TSHZ2: variants seen among roughly 807,000 people sequenced by gnomAD.
The protein encoded by TSHZ2 is teashirt homolog 2.
A neutral mutation model predicts 74.4 loss-of-function variants in TSHZ2; 21 were observed. That is an observed-to-expected ratio of 0.28 (90% CI 0.20 to 0.41). TSHZ2 has a LOEUF of 0.41. TSHZ2 is among the 10% of genes least tolerant of loss of function. The probability of loss-of-function intolerance (pLI) is 1.00; values close to 1 mark genes in which losing one functional copy is unlikely to be tolerated. For synonymous variants in TSHZ2, 540 were observed against 515.3 expected, an observed-to-expected ratio of 1.05 and a Z score of -0.65; for missense variants, 1,244 against 1,293.5, an observed-to-expected ratio of 0.96 and a Z score of 0.59.
intron 1 of TSHZ2, among the ~76,000 whole-genome samples, chr20:53,140,922 T>C (rs1987382773): frequency 6.6e-6 from 1 of 152,162 alleles, no homozygotes; most frequent in Non-Finnish European, 1.5e-5. Flanking sequence ...ATCTTGCCTA[T>C]CAATCAAAAA....
At chr20:53,364,914 G>T (rs1282866659) in intron 2 of TSHZ2, among the ~76,000 whole-genome samples, 1 of 152,210 alleles carries the variant, frequency 6.6e-6, no homozygotes, top group Non-Finnish European at 1.5e-5. Flanking sequence ...TCATCCTGCT[G>T]TGGCCTGGAA....
chr20:53,314,436 A>T (rs1978916950), intron 2 of TSHZ2, among the ~76,000 whole-genome samples: 1 of 152,082 alleles, frequency 6.6e-6, no homozygotes, highest in Non-Finnish European at 1.5e-5. Flanking sequence ...AATTCAGGCA[A>T]CATTCTGAAA....
chr20:53,445,388 A>G (rs1281324437), intron 2 of TSHZ2, among the ~76,000 whole-genome samples: 1 of 152,216 alleles, frequency 6.6e-6, no homozygotes, highest in African/African-American at 2.4e-5. Flanking sequence ...TACAATCACT[A>G]ACGAATCTTA....
At chr20:53,251,496 C>T (rs1453113992) in intron 1 of TSHZ2, among the ~76,000 whole-genome samples, 2 of 152,164 alleles carry the variant, frequency 1.3e-5, no homozygotes, top group African/African-American at 4.8e-5. Context: ...TTTTAAACTA[C>T]AGTTTTCCTG....
intron 2 of TSHZ2, among the ~76,000 whole-genome samples, chr20:53,384,732 CCT>C (rs1180249394): frequency 1.3e-5 from 2 of 152,184 alleles, no homozygotes; most frequent in Non-Finnish European, 1.5e-5. Context: ...CCAGGTGGTA[CCT>C]GCATTACTTA....
At chr20:52,978,980 T>A (rs1981457764) in intron 1 of TSHZ2, among the ~76,000 whole-genome samples, 1 of 152,126 alleles carries the variant, frequency 6.6e-6, no homozygotes, top group Non-Finnish European at 1.5e-5. Context: ...GTTTTACAAG[T>A]TCTATTTAAA....
intron 1 of TSHZ2, among the ~76,000 whole-genome samples, chr20:53,234,502 T>C (rs73620433): frequency 2.0e-5 from 3 of 152,134 alleles, no homozygotes; most frequent in Admixed American, 1.3e-4. Flanking sequence ...TGTAGTAAGC[T>C]ACAAGTTGGT....
chr20:53,339,958 G>A (rs1980114838), intron 2 of TSHZ2, among the ~76,000 whole-genome samples: 1 of 152,278 alleles, frequency 6.6e-6, no homozygotes, highest in South Asian at 2.1e-4. Context: ...GTCTGCTCAG[G>A]CCCAGCAGGG....
At chr20:53,421,688 T>TTTG (rs1983475910) in intron 2 of TSHZ2, 1 of 138,974 alleles carries the variant, frequency 7.2e-6, no homozygotes, top group South Asian at 2.4e-4. Context: ...TTGGTTTTTT[T>TTTG]TTTTTTTTTT....
intron 2 of TSHZ2, among the ~76,000 whole-genome samples, chr20:53,308,969 C>G (rs1978662502): frequency 1.3e-5 from 2 of 152,174 alleles, no homozygotes; most frequent in Non-Finnish European, 2.9e-5. Context: ...GCGGTTTTAA[C>G]AATGACAGAG....
chr20:53,460,727 G>A (rs1038552981), intron 2 of TSHZ2, among the ~76,000 whole-genome samples: 1 of 152,126 alleles, frequency 6.6e-6, no homozygotes, highest in Admixed American at 6.6e-5. Context: ...TGGGTTTTTG[G>A]TGTGGATGTC....
chr20:53,098,220 A>T (rs1352729315), intron 1 of TSHZ2, among the ~76,000 whole-genome samples: 1 of 152,044 alleles, frequency 6.6e-6, no homozygotes, highest in African/African-American at 2.4e-5. Context: ...GTACTCAATA[A>T]ATACTGGTTG....
intron 2 of TSHZ2, among the ~76,000 whole-genome samples, chr20:53,353,990 C>T (rs1015104508): frequency 1.3e-5 from 2 of 152,196 alleles, no homozygotes; most frequent in Admixed American, 1.3e-4. Flanking sequence ...GACAGTTGGT[C>T]ACCCTATCAG....
At position 53,089,063 on chromosome 20, in the gene TSHZ2, T is replaced by A. The variant is rs951405884; in HGVS notation, c.40+115730T>A. On this transcript the variant is annotated intron_variant, in intron 1 of 2. Coordinates refer to ENST00000371497, the MANE Select transcript of TSHZ2 (RefSeq NM_173485.6). ...TCCGTGGCTCATCTCAACCACCTCCTCCTCGCCCCTGGCGCTCCGCAATCC... is the reference window on the plus strand; with the variant it reads ...TCCGTGGCTCATCTCAACCACCTCCACCTCGCCCCTGGCGCTCCGCAATCC... 7.9e-5 allele frequency among the ~76,000 whole-genome samples: 12 copies of A among 152,034 alleles called. No homozygotes were observed. The East Asian group carries it at 1.9e-3, about 25-fold the overall frequency.
intron 1 of TSHZ2, among the ~76,000 whole-genome samples, chr20:53,005,838 A>G (rs1256211195): frequency 6.6e-6 from 1 of 152,190 alleles, no homozygotes; most frequent in Non-Finnish European, 1.5e-5. Context: ...TGAGAAATCT[A>G]TGAAATTTAA....
At chr20:53,446,003 A>T (rs550782230) in intron 2 of TSHZ2, among the ~76,000 whole-genome samples, 1 of 152,182 alleles carries the variant, frequency 6.6e-6, no homozygotes, top group East Asian at 1.9e-4. Flanking sequence ...TTACCTCCAC[A>T]ACCGCTGTGG....
chr20:53,251,131 T>G (rs1417262241), intron 1 of TSHZ2, among the ~76,000 whole-genome samples: 1 of 152,204 alleles, frequency 6.6e-6, no homozygotes, highest in African/African-American at 2.4e-5. Context: ...TCCCCAGATT[T>G]CTTTACTTGC....
In TSHZ2 at chr20:53,256,997, A is replaced by G. The variant is rs1219316146; in HGVS notation, c.*8+426A>G. ...TTATAAAGTGACAAAAAGTTGAGCA[A>G]TGGAAGAAAGATTGGAGAGTGCTAG... On this transcript the variant is annotated intron_variant, in intron 2 of 2. Transcript: ENST00000371497. The surrounding 1 kb of genome is among the most constrained non-coding windows in gnomAD (Gnocchi z 4.3). Among the ~76,000 whole-genome samples, 1 of 152,248 alleles carries G rather than the reference A, an allele frequency of 6.6e-6. No individual in the cohort carries two copies. Among genetic ancestry groups the G allele is most frequent in the Non-Finnish European group, 1.5e-5 (1 of 68,046 alleles).
chr20:53,283,902 A>C (rs1290579870), intron 2 of TSHZ2, among the ~76,000 whole-genome samples: 1 of 152,208 alleles, frequency 6.6e-6, no homozygotes, highest in African/African-American at 2.4e-5. Context: ...TGGGTTTATG[A>C]AGAATGAATA....
Sources: allele counts gnomAD v4.1 joint callset (sites outside exome capture counted in the v4.1 genomes callset), GRCh38; gene constraint gnomAD v4.1.1; non-coding constraint Gnocchi (gnomAD v3.1); transcripts MANE v1.5; gene names NCBI Gene and HGNC (gene_info 2026-07-23, HGNC 2026-07-21).